The following DNAH10 variants were observed in gnomAD, a reference collection of about 807,000 sequenced individuals.
DNAH10 encodes the protein dynein axonemal heavy chain 10.
DNAH10 carries 348 observed loss-of-function variants against 506.6 expected under a neutral mutation model. The observed-to-expected ratio is 0.69, with a 90% CI of 0.63 to 0.75. The LOEUF (loss-of-function observed/expected upper bound fraction) is 0.75. Ranked by LOEUF, DNAH10 falls within the 30% of genes least tolerant of loss-of-function variation. The probability of loss-of-function intolerance (pLI) is 0.00; values close to 1 mark genes in which losing one functional copy is unlikely to be tolerated. For missense variants in DNAH10, 5,179 were observed against 5,787.1 expected, an observed-to-expected ratio of 0.89 and a Z score of 3.41; for synonymous variants, 2,059 against 2,198.6, an observed-to-expected ratio of 0.94 and a Z score of 1.78.
At chr12:123,863,389 A>G (rs1201234987) in intron 39 of DNAH10, among the ~76,000 whole-genome samples, 1 of 152,164 alleles carries the variant, frequency 6.6e-6, no homozygotes, top group East Asian at 1.9e-4. Context: ...AGCAAATTAC[A>G]TGGTGGTGTT....
chr12:123,836,858 CTT>C (rs879460188), intron 28 of DNAH10, among the ~76,000 whole-genome samples: 4 of 144,712 alleles, frequency 2.8e-5, no homozygotes, highest in Admixed American at 6.9e-5. Flanking sequence ...GTCTCTCTCT[CTT>C]TTTTTTTTTT....
chr12:123,923,664 G>A (rs1954822355), intron 65 of DNAH10, 99 bp from the exon 66 acceptor site: 2 of 742,106 alleles, frequency 2.7e-6, no homozygotes, highest in Non-Finnish European at 4.3e-6. Flanking sequence ...CAGTTCGAGT[G>A]TTTCATTTAT....
In DNAH10 at chr12:123,851,077, G is replaced by A. The variant is rs370305521; in HGVS notation, c.6291+1G>A. On this transcript the variant is annotated splice_donor_variant, in intron 35 of 78. Transcript: ENST00000673944. LOFTEE classifies it high-confidence loss of function. ...CTCTGAGGGCTTCCTGGAGGCCAAG[G>A]TGGGGGGCCTTGGCAGCGCCAGGTC... is the stretch of plus-strand genomic sequence containing the variant. 2 of 1,596,388 alleles carry A rather than the reference G, an allele frequency of 1.3e-6. No homozygotes were observed. Among genetic ancestry groups the A allele is most frequent in the Non-Finnish European group, 1.7e-6 (2 of 1,168,558 alleles).
chr12:123,774,964 A>G (rs1035344118), intron 5 of DNAH10, among the ~76,000 whole-genome samples: 1 of 152,230 alleles, frequency 6.6e-6, no homozygotes, highest in African/African-American at 2.4e-5. Context: ...GGGGAAAGAC[A>G]TGGCACACAA....
At chr12:123,768,117 T>TCTCCTCCTC (rs747242172) in intron 2 of DNAH10, among the ~76,000 whole-genome samples, 1 of 150,466 alleles carries the variant, frequency 6.6e-6, no homozygotes, top group Non-Finnish European at 1.5e-5. Flanking sequence ...GTGTGTCCTC[T>TCTCCTCCTC]CTCCTCCTCC....
At position 123,925,175 on chromosome 12, in the gene DNAH10, T is replaced by C. The variant is rs1270342427; in HGVS notation, c.11892T>C (p.Thr3964=). ...TGGATCGGGTCTATCGGGCCGTGAC[T>C]GACTATGTGACTGTAACAATGGGAG... ...FRVDRVYRAV[T]DYVTVTMGEK... is the part of the protein sequence containing the mutation. Residue 3964 remains threonine, a synonymous_variant, in exon 68 of 79, where the codon ACT becomes ACC. Coordinates refer to ENST00000673944, the MANE Select transcript of DNAH10 (RefSeq NM_001372106.1). The surrounding 1 kb of genome is among the most constrained non-coding windows in gnomAD (Gnocchi z 4.0). The C allele has an allele frequency of 4.3e-6, 7 of 1,613,912 alleles. No individual in the cohort carries two copies. The Admixed American group carries it at 1.2e-4, about 27-fold the overall frequency.
chr12:123,828,278 C>T (rs1356880004), intron 25 of DNAH10, among the ~76,000 whole-genome samples: 1 of 151,704 alleles, frequency 6.6e-6, no homozygotes, highest in Non-Finnish European at 1.5e-5. Flanking sequence ...ACTGAGGACA[C>T]AGCGTAAGAA....
chr12:123,913,647 A>C lies in DNAH10; in HGVS notation c.10352+332A>C, dbSNP rs1489934399. On this transcript the variant is annotated intron_variant, in intron 60 of 78. Coordinates refer to ENST00000673944, the MANE Select transcript of DNAH10 (RefSeq NM_001372106.1). This position sits in a 1 kb window ranked among gnomAD's most constrained non-coding sequence, Gnocchi z 5.1. ...CTCTAACCCCTGGGTCTTTTCTAGA[A>C]GAGTCTGTGGGAGAAGCCCATCTCT... is the stretch of plus-strand genomic sequence containing the variant. 6.6e-6 allele frequency among the ~76,000 whole-genome samples: 1 copy of C among 152,162 alleles called. No individual in the cohort carries two copies. Among genetic ancestry groups the C allele is most frequent in the Non-Finnish European group, 1.5e-5 (1 of 68,038 alleles).
chr12:123,913,153 A>G lies in DNAH10; in HGVS notation c.10190A>G (p.Gln3397Arg). The G allele has an allele frequency of 6.2e-7, 1 of 1,612,064 alleles. No homozygotes were observed. The highest frequency in any genetic ancestry group is 1.1e-5 in the South Asian group (1 of 90,600). ...ACTAAACGGGAACTGGAAAGGATCC[A>G]GAATGAGTTGGCAGCAATTCAGAAA... ...YLTKRELERIQNELAAIQKEL... is the reference protein window; with the variant it reads ...YLTKRELERIRNELAAIQKEL... The change falls in exon 60 of 79, where the codon CAG (glutamine) becomes CGG (arginine). Residue 3397 changes from glutamine to arginine, a missense_variant. Coordinates refer to ENST00000673944, the MANE Select transcript of DNAH10 (RefSeq NM_001372106.1). This position sits in a 1 kb window ranked among gnomAD's most constrained non-coding sequence, Gnocchi z 5.1.
At chr12:123,889,218 C>G (rs1022514563) in intron 52 of DNAH10, among the ~76,000 whole-genome samples, 3 of 152,216 alleles carry the variant, frequency 2.0e-5, no homozygotes, top group African/African-American at 7.2e-5. Context: ...TCACTGCTCT[C>G]CCCGCTAAAT....
chr12:123,809,443 C>G (rs1024382048), intron 19 of DNAH10, among the ~76,000 whole-genome samples: 3 of 152,062 alleles, frequency 2.0e-5, no homozygotes, highest in Admixed American at 6.6e-5. Flanking sequence ...CCCAGGAGTT[C>G]CAGACCAGCC....
In DNAH10 at chr12:123,811,710, A is replaced by G. The variant is rs141426840; in HGVS notation, c.3145-1454A>G. Among the ~76,000 whole-genome samples the G allele has an allele frequency of 7.9e-3, 1,200 of 152,136 alleles. 31 individuals are homozygous for G. Among genetic ancestry groups the G allele is most frequent in the African/African-American group, 0.027 (1,124 of 41,512 alleles). On this transcript the variant is annotated intron_variant, in intron 19 of 78. Transcript: ENST00000673944. ...AGTGGAGTTGGGGTTTCACCATGTTAGCCAGGATGGTCTCAATCTCCTGAC... is the reference window on the plus strand; with the variant it reads ...AGTGGAGTTGGGGTTTCACCATGTTGGCCAGGATGGTCTCAATCTCCTGAC...
rs950517358 is a variant in DNAH10 at position 123,876,798 on chromosome 12, C to T, written c.8200-938C>T. Among the ~76,000 whole-genome samples, 6 of 151,892 alleles carry T rather than the reference C, an allele frequency of 4.0e-5. No individual in the cohort carries two copies. In the East Asian group the frequency reaches 5.8e-4, roughly 15 times the overall value. On this transcript the variant is annotated intron_variant, in intron 47 of 78. Transcript: ENST00000673944. ...GCAATGTGGTGAAACCCTGTCTCTACAAAAAATATGAAACATTAGCCAGGT... is the reference window on the plus strand; with the variant it reads ...GCAATGTGGTGAAACCCTGTCTCTATAAAAAATATGAAACATTAGCCAGGT...
Position 123,887,242 on chromosome 12 carries a change from T to A in DNAH10, c.8924T>A (p.Ile2975Asn). The A allele has an allele frequency of 1.9e-6, 3 of 1,613,992 alleles. No homozygotes were observed. Among genetic ancestry groups the A allele is most frequent in the Non-Finnish European group, 2.5e-6 (3 of 1,179,886 alleles). The change falls in exon 52 of 79, where the codon ATC (isoleucine) becomes AAC (asparagine). Residue 2975 changes from isoleucine to asparagine, a missense_variant. Around this residue, in one of 3 missense-constraint regions of DNAH10, gnomAD observed 4,844 missense variants for 5,430.5 expected, o/e 0.89. Coordinates refer to ENST00000673944, the MANE Select transcript of DNAH10 (RefSeq NM_001372106.1). ...CTTGGGATTGAGAACAAAGCGATGATCTTTCTGTTCACGGATGCCCATGTG... is the reference window on the plus strand; with the variant it reads ...CTTGGGATTGAGAACAAAGCGATGAACTTTCTGTTCACGGATGCCCATGTG... ...LKLGIENKAM[I>N]FLFTDAHVAE... is the part of the protein sequence containing the mutation.
chr12:123,841,701 T>C (rs1184420533), intron 30 of DNAH10, among the ~76,000 whole-genome samples, 156 bp downstream of exon 30: 1 of 152,198 alleles, frequency 6.6e-6, no homozygotes, highest in East Asian at 1.9e-4. Context: ...TTATTTTTAT[T>C]TTTTTGAGAC....
At chr12:123,803,939 G>A in intron 17 of DNAH10, 114 bp downstream of exon 17, 1 of 1,022,308 alleles carries the variant, frequency 9.8e-7, no homozygotes, top group Non-Finnish European at 1.4e-6. Flanking sequence ...TATGTTCCAT[G>A]AATGGCATCA....
chr12:123,853,425 G>C lies in DNAH10; in HGVS notation c.6438+73G>C, dbSNP rs560776822. ...ATTTACTACGTGCCATTGGGGAGGT[G>C]ATGGGCACAGTATGGTATCACCTGA... On this transcript the variant is annotated intron_variant, in intron 36 of 78. Coordinates refer to ENST00000673944, the MANE Select transcript of DNAH10 (RefSeq NM_001372106.1). This position sits in a 1 kb window ranked among gnomAD's most constrained non-coding sequence, Gnocchi z 4.7. The C allele has an allele frequency of 6.5e-7, 1 of 1,531,996 alleles. No homozygotes were observed. The highest frequency in any genetic ancestry group is 2.4e-5 in the East Asian group (1 of 42,260). The allele number at this position is 1,531,996 out of a possible 1,614,324, so 94.9% of individuals were successfully genotyped here.
intron 13 of DNAH10, among the ~76,000 whole-genome samples, chr12:123,797,961 C>T (rs1958342737): frequency 6.6e-6 from 1 of 152,198 alleles, no homozygotes; most frequent in Non-Finnish European, 1.5e-5. Flanking sequence ...AATAAAGTAT[C>T]CCCCAGATAA....
At chr12:123,803,330 C>T (rs1187161090) in intron 16 of DNAH10, among the ~76,000 whole-genome samples, 1 of 152,190 alleles carries the variant, frequency 6.6e-6, no homozygotes, top group Non-Finnish European at 1.5e-5. Context: ...AGGCTGCGGG[C>T]AGGTGGTGCA....
Sources: allele counts gnomAD v4.1 joint callset (sites outside exome capture counted in the v4.1 genomes callset), GRCh38; gene constraint gnomAD v4.1.1; regional missense constraint gnomAD v4.1.1; non-coding constraint Gnocchi (gnomAD v3.1); transcripts MANE v1.5; gene names NCBI Gene and HGNC (gene_info 2026-07-23, HGNC 2026-07-21).